RFX2: variants seen among roughly 807,000 people sequenced by gnomAD.
RFX2 encodes the protein regulatory factor X2, also known as DNA-binding protein RFX2.
A neutral mutation model predicts 87.8 loss-of-function variants in RFX2; 20 were observed. That is an observed-to-expected ratio of 0.23 (90% confidence interval 0.16 to 0.33). The LOEUF (loss-of-function observed/expected upper bound fraction) is 0.33, where lower values mean the gene tolerates loss of function less well. Ranked by LOEUF, RFX2 falls within the 10% of genes least tolerant of loss-of-function variation. The probability of loss-of-function intolerance (pLI) is 1.00; values close to 1 mark genes in which losing one functional copy is unlikely to be tolerated. For synonymous variants in RFX2, 397 were observed against 431.3 expected (o/e 0.92, Z 0.98); for missense variants, 767 against 1,012.3 (o/e 0.76, Z 3.29).
At chr19:6,091,067 G>C (rs190445628) in intron 1 of RFX2, among the ~76,000 whole-genome samples, 2 of 152,194 alleles carry the variant, frequency 1.3e-5, no homozygotes, top group Admixed American at 1.3e-4. Flanking sequence ...GACTGTGATC[G>C]ACTTCTAATA....
At position 6,063,006 on chromosome 19, in the gene RFX2, C is replaced by A. The variant is rs2087459425; in HGVS notation, c.-8-15502G>T. Reference sequence around the variant, plus strand: ...GTCACCTGTCTGTCCTTTTCTGGTGCCTGGCCCTTGCTGGGGTCACCCACA... The same window carrying A: ...GTCACCTGTCTGTCCTTTTCTGGTGACTGGCCCTTGCTGGGGTCACCCACA... On this transcript the variant is annotated intron_variant, in intron 1 of 17. Transcript: ENST00000303657. The surrounding 1 kb of genome is among the most constrained non-coding windows in gnomAD (Gnocchi z 4.0). 6.6e-6 allele frequency among the ~76,000 whole-genome samples: 1 copy of A among 152,184 alleles called. No homozygotes were observed. The highest frequency in any genetic ancestry group is 1.5e-5 in the Non-Finnish European group (1 of 68,034).
At chr19:6,037,289 G>GAAAAAAAAAAAAAAAAAAAAAAA (rs57278741) in intron 5 of RFX2, among the ~76,000 whole-genome samples, 1 of 102,416 alleles carries the variant, frequency 9.8e-6, no homozygotes, top group Non-Finnish European at 2.1e-5. Flanking sequence ...GTCTCAAAAA[G>GAAAAAAAAAAAAAAAAAAAAAAA]AAAAAAAAAA....
rs903613872 is a variant in RFX2, at chr19:6,022,242, C to T, written c.597+3921G>A. ...AAACAGCGGCACTTCTGGACAGAGGCCCCTTCTGAGGAGCTGCCGGCTCTA... is the reference window on the plus strand; with the variant it reads ...AAACAGCGGCACTTCTGGACAGAGGTCCCTTCTGAGGAGCTGCCGGCTCTA... On this transcript the variant is annotated intron_variant, in intron 6 of 17. Transcript: ENST00000303657. The surrounding 1 kb of genome is among the most constrained non-coding windows in gnomAD (Gnocchi z 6.2). Among the ~76,000 whole-genome samples the T allele has an allele frequency of 5.3e-5, 8 of 152,162 alleles. No homozygotes were observed. Among genetic ancestry groups the T allele is most frequent in the Non-Finnish European group, 1.2e-4 (8 of 68,020 alleles).
chr19:6,089,880 G>T (rs1003900934), intron 1 of RFX2, among the ~76,000 whole-genome samples: 1 of 152,190 alleles, frequency 6.6e-6, no homozygotes, highest in African/African-American at 2.4e-5. Context: ...TTTCACAGAG[G>T]AACAGAAACT....
Position 6,007,123 on chromosome 19 carries a change from T to C in RFX2, c.1291A>G (p.Ile431Val). 1 of 1,614,100 alleles carries C rather than the reference T, an allele frequency of 6.2e-7. No individual in the cohort carries two copies. The highest frequency in any genetic ancestry group is 8.5e-7 in the Non-Finnish European group (1 of 1,180,006). The change falls in exon 12 of 18, where the codon ATC (isoleucine) becomes GTC (valine). Residue 431 changes from isoleucine to valine, a missense_variant. Physicochemically the swap from Ile to Val is conservative, Grantham distance 29. Around this residue, in one of 2 missense-constraint regions of RFX2, gnomAD observed 621 missense variants for 873.0 expected, o/e 0.71. Coordinates refer to ENST00000303657, the MANE Select transcript of RFX2 (RefSeq NM_000635.4). This position sits in a 1 kb window ranked among gnomAD's most constrained non-coding sequence, Gnocchi z 8.2. Reference protein sequence around the residue: ...EGAVLPKDKLISLCQCDPILR... With the variant: ...EGAVLPKDKLVSLCQCDPILR... ...ATGGGGTCGCACTGACACAGGGAGA[T>C]AAGCTTGTCCTTGGGCAGGACGGCG...
chr19:6,035,850 G>GGGGTGTGTGTGT (rs1555776252), intron 5 of RFX2, among the ~76,000 whole-genome samples: 2 of 137,164 alleles, frequency 1.5e-5, no homozygotes, highest in African/African-American at 6.0e-5. Flanking sequence ...CTTGGTGGGG[G>GGGGTGTGTGTGT]GTGTGTGTGT....
Position 6,044,884 on chromosome 19 carries a change from C to A in RFX2, c.91-602G>T, listed in dbSNP as rs2087166302. 6.6e-6 allele frequency among the ~76,000 whole-genome samples: 1 copy of A among 152,170 alleles called. No individual in the cohort carries two copies. The highest frequency in any genetic ancestry group is 2.4e-5 in the African/African-American group (1 of 41,428). On this transcript the variant is annotated intron_variant, in intron 2 of 17. Coordinates refer to ENST00000303657, the MANE Select transcript of RFX2 (RefSeq NM_000635.4). The surrounding 1 kb of genome is among the most constrained non-coding windows in gnomAD (Gnocchi z 5.3). ...GTGTCTGGGTCCCTCGCTCTCTGACCCCACTGCTCTCCAGCCTCCTAAGTC... is the reference window on the plus strand; with the variant it reads ...GTGTCTGGGTCCCTCGCTCTCTGACACCACTGCTCTCCAGCCTCCTAAGTC...
chr19:6,108,888 T>C (rs2144924713), intron 1 of RFX2, among the ~76,000 whole-genome samples: 1 of 150,878 alleles, frequency 6.6e-6, no homozygotes, highest in East Asian at 2.0e-4. Flanking sequence ...GATCGGGAAA[T>C]CCAACTTTCC....
intron 5 of RFX2, among the ~76,000 whole-genome samples, chr19:6,029,746 G>C (rs913905047): frequency 2.6e-5 from 4 of 152,080 alleles, no homozygotes; most frequent in African/African-American, 9.7e-5. Context: ...AAACACATGA[G>C]AGTGATGTTT....
At chr19:6,081,809 C>T (rs1326824074) in intron 1 of RFX2, among the ~76,000 whole-genome samples, 7 of 152,016 alleles carry the variant, frequency 4.6e-5, no homozygotes, top group South Asian at 2.1e-4. Context: ...AAAAATTGGC[C>T]GGGCGCGTTG....
intron 5 of RFX2, among the ~76,000 whole-genome samples, chr19:6,038,348 A>C (rs570476862): frequency 2.0e-5 from 3 of 150,754 alleles, no homozygotes; most frequent in African/African-American, 4.8e-5. Flanking sequence ...AAAAAAAAAA[A>C]AAAACCCAAA....
rs1416934585 is a variant in RFX2 at position 6,011,264 on chromosome 19, G to A, written c.900-1013C>T. 1.3e-5 allele frequency among the ~76,000 whole-genome samples: 2 copies of A among 152,222 alleles called. No homozygotes were observed. Among genetic ancestry groups the A allele is most frequent in the Non-Finnish European group, 2.9e-5 (2 of 68,042 alleles). ...TGAGCCAGATGGTGGTGGCCAGCCT[G>A]TGCAGGCAGTGCTGAGAAACACTCA... On this transcript the variant is annotated intron_variant, in intron 8 of 17. Transcript: ENST00000303657. The surrounding 1 kb of genome is among the most constrained non-coding windows in gnomAD (Gnocchi z 4.8).
Position 6,024,169 on chromosome 19 carries a change from C to G in RFX2, c.597+1994G>C, listed in dbSNP as rs1049431400. Among the ~76,000 whole-genome samples the G allele has an allele frequency of 6.6e-6, 1 of 152,226 alleles. No individual in the cohort carries two copies. Among genetic ancestry groups the G allele is most frequent in the Non-Finnish European group, 1.5e-5 (1 of 68,034 alleles). ...TCCTGCCTGGGTCACGCAGCCCTCT[C>G]GCCCAGGGCTGATACCCTGGACCCG... On this transcript the variant is annotated intron_variant, in intron 6 of 17. Coordinates refer to ENST00000303657, the MANE Select transcript of RFX2 (RefSeq NM_000635.4). This position sits in a 1 kb window ranked among gnomAD's most constrained non-coding sequence, Gnocchi z 5.0.
rs930870356 is a variant in RFX2 at position 5,997,891 on chromosome 19, G to T, written c.1860-678C>A. On this transcript the variant is annotated intron_variant, in intron 15 of 17. Coordinates refer to ENST00000303657, the MANE Select transcript of RFX2 (RefSeq NM_000635.4). This position sits in a 1 kb window ranked among gnomAD's most constrained non-coding sequence, Gnocchi z 4.2. Reference sequence around the variant, plus strand: ...GAAATTACATGAAATTCACATTTTGGTGTCCACAGACAGTTTCACTGGCAC... The same window carrying T: ...GAAATTACATGAAATTCACATTTTGTTGTCCACAGACAGTTTCACTGGCAC... Among the ~76,000 whole-genome samples, 1 of 152,148 alleles carries T rather than the reference G, an allele frequency of 6.6e-6. No individual in the cohort carries two copies. Among genetic ancestry groups the T allele is most frequent in the Non-Finnish European group, 1.5e-5 (1 of 68,036 alleles).
chr19:6,104,697 A>G (rs2088184320), intron 1 of RFX2, among the ~76,000 whole-genome samples: 1 of 152,134 alleles, frequency 6.6e-6, no homozygotes. Flanking sequence ...GTGAGCCACC[A>G]CACCCAATGC....
intron 1 of RFX2, among the ~76,000 whole-genome samples, chr19:6,058,599 GTT>G (rs112549511): frequency 6.8e-6 from 1 of 146,674 alleles, no homozygotes; most frequent in African/African-American, 2.5e-5. Flanking sequence ...TCACTTTTGG[GTT>G]TTTTTTTTTT....
chr19:6,062,636 C>G (rs558821692), intron 1 of RFX2, among the ~76,000 whole-genome samples: 1 of 152,326 alleles, frequency 6.6e-6, no homozygotes, highest in South Asian at 2.1e-4. Flanking sequence ...TTAGCTTTTG[C>G]TTTAGAAGTT....
At chr19:6,035,888 T>A (rs1477990860) in intron 5 of RFX2, among the ~76,000 whole-genome samples, 9 of 150,422 alleles carry the variant, frequency 6.0e-5, no homozygotes, top group African/African-American at 1.2e-4. Flanking sequence ...TGTGTGTGTG[T>A]GAAAACATAG....
chr19:6,103,902 T>C (rs1040772578), intron 1 of RFX2, among the ~76,000 whole-genome samples: 1 of 152,158 alleles, frequency 6.6e-6, no homozygotes, highest in Non-Finnish European at 1.5e-5. Context: ...ACTTACTACT[T>C]ATTTGCTTCA....
Sources: allele counts gnomAD v4.1 joint callset (sites outside exome capture counted in the v4.1 genomes callset), GRCh38; gene constraint gnomAD v4.1.1; regional missense constraint gnomAD v4.1.1; non-coding constraint Gnocchi (gnomAD v3.1); transcripts MANE v1.5; gene names NCBI Gene and HGNC (gene_info 2026-07-23, HGNC 2026-07-21).